Variants in PBLD observed in about 807,000 individuals in gnomAD.
PBLD encodes the protein phenazine biosynthesis like protein domain containing.
A neutral mutation model predicts 31.3 loss-of-function variants in PBLD; 26 were observed. That is an observed-to-expected ratio of 0.83 (90% CI 0.61 to 1.15). The LOEUF (loss-of-function observed/expected upper bound fraction) is 1.15. PBLD is among the 50% of genes most tolerant of loss of function. PBLD has a pLI of 0.00. For missense variants in PBLD, 307 were observed against 351.7 expected (o/e 0.87, Z 1.02); for synonymous variants, 114 against 129.0 (o/e 0.88, Z 0.79).
chr10:68,328,831 A>T (rs1363069661), intron 1 of PBLD, among the ~76,000 whole-genome samples: 2 of 152,066 alleles, frequency 1.3e-5, no homozygotes, highest in Non-Finnish European at 2.9e-5. Flanking sequence ...GTAGTAAAAT[A>T]GGAAGCCAAA....
intron 4 of PBLD, 152 bp downstream of exon 4, chr10:68,296,114 T>C: frequency 1.9e-6 from 1 of 530,444 alleles, no homozygotes; most frequent in Middle Eastern, 5.2e-4. Flanking sequence ...TGAAGGTCGC[T>C]GGTTTTGTTT....
chr10:68,324,563 A>G (rs2044885549), intron 1 of PBLD, among the ~76,000 whole-genome samples: 1 of 151,706 alleles, frequency 6.6e-6, no homozygotes, highest in South Asian at 2.1e-4. Context: ...TCCTTCTCCT[A>G]GTCTTCTCTC....
intron 2 of PBLD, among the ~76,000 whole-genome samples, chr10:68,304,556 G>T (rs1410288409): frequency 1.3e-5 from 2 of 152,022 alleles, no homozygotes; most frequent in Non-Finnish European, 2.9e-5. Flanking sequence ...TTTTAACGGA[G>T]AGATAGGTAG....
At chr10:68,328,813 T>A (rs1285052510) in intron 1 of PBLD, among the ~76,000 whole-genome samples, 1 of 150,052 alleles carries the variant, frequency 6.7e-6, no homozygotes, top group Admixed American at 6.7e-5. Context: ...TTTTTTTTTT[T>A]AAGAAAGGTA....
At chr10:68,306,964 G>A in intron 1 of PBLD, 61 bp from the exon 2 acceptor site, 1 of 675,938 alleles carries the variant, frequency 1.5e-6, no homozygotes, top group Non-Finnish European at 2.6e-6. Context: ...GCAAAGAACA[G>A]TTCCCAGATA....
At position 68,308,943 on chromosome 10, in the gene PBLD, A is replaced by G. The variant is rs913995543; in HGVS notation, c.-59-2040T>C. 8.2e-4 allele frequency among the ~76,000 whole-genome samples: 122 copies of G among 149,582 alleles called. 7 individuals are homozygous for G. Among genetic ancestry groups the G allele is most frequent in the African/African-American group, 2.8e-3 (113 of 40,580 alleles). ...AATCTTGGTTCCATTTACCACGTAA[A>G]TGTAGGAAAATCAGAAAGCTTCCTT... On this transcript the variant is annotated intron_variant, in intron 1 of 9. Transcript: ENST00000358769.
chr10:68,331,568 GA>G (rs1322202765), intron 1 of PBLD: 2 of 152,276 alleles, frequency 1.3e-5, no homozygotes, highest in East Asian at 3.9e-4. Context: ...TCGCGGCCCA[GA>G]AACACTCCTA....
Position 68,284,277 on chromosome 10 carries a change from G to T in PBLD, c.767C>A (p.Ser256Tyr). Reference protein sequence around the residue: ...GKKEMHAFQCSHRGGELGISL... With the variant: ...GKKEMHAFQCYHRGGELGISL... ...AATTCCCAGCTCTCCTCCTCGGTGG[G>T]AACACTGAAAAGCTAAAGAAAACAA... The change falls in exon 10 of 10, where the codon TCC (serine) becomes TAC (tyrosine). Residue 256 changes from serine (S) to tyrosine (Y), a missense_variant. Coordinates refer to ENST00000358769, the MANE Select transcript of PBLD (RefSeq NM_022129.4). 1 of 1,613,518 alleles carries T rather than the reference G, an allele frequency of 6.2e-7. No homozygotes were observed. The highest frequency in any genetic ancestry group is 1.1e-5 in the South Asian group (1 of 91,030).
Position 68,296,956 on chromosome 10 carries a change from A to G in PBLD, c.114T>C (p.Ile38=). ...NELDEDMHQK[I]AREMNLSETA... ...TTTCAGAGAGGTTCATCTCCCTTGCAATTTTCTGATGCATGTCTTCATCCA... is the reference window on the plus strand; with the variant it reads ...TTTCAGAGAGGTTCATCTCCCTTGCGATTTTCTGATGCATGTCTTCATCCA... The change falls in exon 3 of 10, where the codon ATT becomes ATC. Residue 38 remains isoleucine (I), a synonymous_variant. Coordinates refer to ENST00000358769, the MANE Select transcript of PBLD (RefSeq NM_022129.4). The G allele has an allele frequency of 1.2e-6, 2 of 1,613,872 alleles. No individual in the cohort carries two copies. The highest frequency in any genetic ancestry group is 1.7e-6 in the Non-Finnish European group (2 of 1,179,746).
chr10:68,302,780 G>T (rs573308588), intron 2 of PBLD, among the ~76,000 whole-genome samples: 1 of 151,286 alleles, frequency 6.6e-6, no homozygotes, highest in East Asian at 1.9e-4. Flanking sequence ...GTTCAAGGCT[G>T]CAGTGAGCTA....
chr10:68,285,357 C>A lies in PBLD; in HGVS notation c.745G>T (p.Glu249Ter). 1 of 1,614,094 alleles carries A rather than the reference C, an allele frequency of 6.2e-7. No homozygotes were observed. The highest frequency in any genetic ancestry group is 8.5e-7 in the Non-Finnish European group (1 of 1,179,976). Residue 249 changes from glutamate to a stop codon, truncating the protein, a stop_gained, in exon 9 of 10, where the codon GAA becomes TAA. Coordinates refer to ENST00000358769, the MANE Select transcript of PBLD (RefSeq NM_022129.4). LOFTEE classifies it low-confidence loss of function (END_TRUNC). Reference sequence around the variant, plus strand: ...TAAAGAGCTGTCCTACCATGCATTTCTTTCTTCCCCAGATGCTGGGACCAG... The same window carrying A: ...TAAAGAGCTGTCCTACCATGCATTTATTTCTTCCCCAGATGCTGGGACCAG... ...SYWSQHLGKK[E>*]MHAFQCSHRG...
At chr10:68,319,069 AAG>A (rs1491249278) in intron 1 of PBLD, among the ~76,000 whole-genome samples, 1 of 125,544 alleles carries the variant, frequency 8.0e-6, no homozygotes, top group African/African-American at 3.4e-5. Context: ...GAAAGAAAGA[AAG>A]AAAGAAAGAA....
At chr10:68,322,991 T>G (rs1161584484) in intron 1 of PBLD, among the ~76,000 whole-genome samples, 2 of 152,036 alleles carry the variant, frequency 1.3e-5, no homozygotes, top group Non-Finnish European at 2.9e-5. Context: ...TCCTCCTTCT[T>G]TGGCCTCCCA....
chr10:68,321,520 C>A (rs2044834729), intron 1 of PBLD, among the ~76,000 whole-genome samples: 1 of 152,074 alleles, frequency 6.6e-6, no homozygotes, highest in Admixed American at 6.6e-5. Context: ...CCTTCAACCA[C>A]AATAGAATGA....
chr10:68,319,970 T>C (rs2044809624), intron 1 of PBLD, among the ~76,000 whole-genome samples: 2 of 151,566 alleles, frequency 1.3e-5, no homozygotes, highest in African/African-American at 4.8e-5. Context: ...ATTACAGGCA[T>C]GTGCCATCAC....
chr10:68,312,151 T>C (rs1321298717), intron 1 of PBLD, among the ~76,000 whole-genome samples: 1 of 152,236 alleles, frequency 6.6e-6, no homozygotes. Flanking sequence ...ATTGCTGCAA[T>C]AAACACAAGA....
At chr10:68,285,240 G>T in intron 9 of PBLD, 108 bp downstream of exon 9, 1 of 1,585,472 alleles carries the variant, frequency 6.3e-7, no homozygotes, top group Non-Finnish European at 8.6e-7. Flanking sequence ...TTTTCACATG[G>T]GTGATACATG....
chr10:68,322,505 T>TA (rs577171400), intron 1 of PBLD, among the ~76,000 whole-genome samples: 10,777 of 129,902 alleles, frequency 0.083, 567 homozygotes, highest in East Asian at 0.18. Context: ...GACAAAAAAT[T>TA]AAAAAAAAAA....
chr10:68,313,493 A>C (rs549936333), intron 1 of PBLD, among the ~76,000 whole-genome samples: 20 of 152,334 alleles, frequency 1.3e-4, no homozygotes, highest in African/African-American at 3.8e-4. Flanking sequence ...CCCGGATGTC[A>C]CAGAAGCTCC....
Sources: gnomAD v4.1 joint callset for allele counts (sites outside exome capture counted in the v4.1 genomes callset) on GRCh38, gnomAD v4.1.1 for gene constraint, MANE v1.5 for transcripts, NCBI Gene and HGNC (gene_info 2026-07-23, HGNC 2026-07-21) for gene names.